Variants in CR1L observed in about 807,000 individuals in gnomAD.
CR1L encodes the protein complement component receptor 1-like protein.
A neutral mutation model predicts 62.3 loss-of-function variants in CR1L; 59 were observed. That is an observed-to-expected ratio of 0.95 (90% CI 0.77 to 1.18). The LOEUF (loss-of-function observed/expected upper bound fraction) is 1.18, where lower values mean the gene tolerates loss of function less well. CR1L is among the 50% of genes most tolerant of loss of function. The pLI is 0.00. For missense variants in CR1L, 700 were observed against 702.8 expected, an observed-to-expected ratio of 1.00 and a Z score of 0.04; for synonymous variants, 279 against 248.7, an observed-to-expected ratio of 1.12 and a Z score of -1.15.
At chr1:207,719,653 A>G (rs1654087753) in intron 11 of CR1L, among the ~76,000 whole-genome samples, 1 of 152,160 alleles carries the variant, frequency 6.6e-6, no homozygotes, top group African/African-American at 2.4e-5. Context: ...TGGGAGGTCG[A>G]GGCTGCAGTG....
intron 1 of CR1L, among the ~76,000 whole-genome samples, chr1:207,676,470 C>T (rs113826410): frequency 0.061 from 9,255 of 152,130 alleles, 617 homozygotes; most frequent in East Asian, 0.36. Context: ...ACTGTGCATA[C>T]GAGGGATCTA....
intron 4 of CR1L, among the ~76,000 whole-genome samples, chr1:207,686,921 A>G (rs1307281692): frequency 6.6e-6 from 1 of 152,210 alleles, no homozygotes; most frequent in Non-Finnish European, 1.5e-5. Flanking sequence ...ATGGGAAGAA[A>G]TGCTGAATCT....
chr1:207,699,711 A>T (rs1664162367), intron 8 of CR1L, among the ~76,000 whole-genome samples: 1 of 152,058 alleles, frequency 6.6e-6, no homozygotes, highest in South Asian at 2.1e-4. Flanking sequence ...ATTTGATAAT[A>T]CTCAAGTATC....
At chr1:207,708,771 A>G (rs774677222) in intron 10 of CR1L, 5 of 454,522 alleles carry the variant, frequency 1.1e-5, no homozygotes, top group East Asian at 6.9e-5. Flanking sequence ...CAAGCTAATA[A>G]GGAATATAAA....
intron 9 of CR1L, among the ~76,000 whole-genome samples, chr1:207,702,938 C>A (rs1664214631): frequency 6.6e-6 from 1 of 152,100 alleles, no homozygotes. Context: ...CAAAAATTAA[C>A]CAGGCGTTGT....
intron 1 of CR1L, among the ~76,000 whole-genome samples, chr1:207,677,183 G>A (rs1375307925): frequency 6.6e-6 from 1 of 151,770 alleles, no homozygotes; most frequent in Non-Finnish European, 1.5e-5. Flanking sequence ...TTAGCCGGAT[G>A]TGATGGCAGG....
chr1:207,705,985 T>A (rs1286187585), intron 9 of CR1L, among the ~76,000 whole-genome samples: 1 of 141,342 alleles, frequency 7.1e-6, no homozygotes, highest in Non-Finnish European at 1.5e-5. Flanking sequence ...TCATTTCATA[T>A]ATGTGTCATA....
intron 3 of CR1L, among the ~76,000 whole-genome samples, chr1:207,682,760 G>C (rs1424586140): frequency 6.6e-6 from 1 of 152,132 alleles, no homozygotes; most frequent in Non-Finnish European, 1.5e-5. Context: ...ACTATGACTA[G>C]TTTGGCCCAA....
In CR1L at chr1:207,699,373, C is replaced by T. The variant is rs1664157543; in HGVS notation, c.1228+99C>T. On this transcript the variant is annotated intron_variant, in intron 8 of 11. Coordinates refer to ENST00000508064, the MANE Select transcript of CR1L (RefSeq NM_175710.2). ...TAATGTGGTTCTTCAATTTTCTAATCTGAATTATTGATTTGAAAATTTCTT... is the reference window on the plus strand; with the variant it reads ...TAATGTGGTTCTTCAATTTTCTAATTTGAATTATTGATTTGAAAATTTCTT... 5 of 1,419,142 alleles carry T rather than the reference C, an allele frequency of 3.5e-6. No individual in the cohort carries two copies. In the South Asian group the frequency reaches 6.2e-5, roughly 18 times the overall value. 87.9% of individuals were successfully genotyped at this position (1,419,142 alleles called of 1,614,324 possible).
intron 1 of CR1L, among the ~76,000 whole-genome samples, chr1:207,650,768 G>A (rs545359033): frequency 6.6e-6 from 1 of 150,386 alleles, no homozygotes; most frequent in Non-Finnish European, 1.5e-5. Context: ...AAGTTGAACA[G>A]TTCAGTGGAT....
At chr1:207,707,276 T>C (rs1664281756) in intron 9 of CR1L, among the ~76,000 whole-genome samples, 1 of 152,200 alleles carries the variant, frequency 6.6e-6, no homozygotes, top group South Asian at 2.1e-4. Context: ...ATTTTATTCA[T>C]TGCTTTCTCC....
intron 1 of CR1L, among the ~76,000 whole-genome samples, chr1:207,654,147 A>C (rs1663270215): frequency 6.6e-6 from 1 of 152,226 alleles, no homozygotes; most frequent in Admixed American, 6.5e-5. Context: ...CACTGCTGTT[A>C]CACTGGCAAT....
chr1:207,655,429 T>A (rs893001162), intron 1 of CR1L, among the ~76,000 whole-genome samples: 1 of 152,176 alleles, frequency 6.6e-6, no homozygotes. Context: ...CATATTGGAA[T>A]TCAAACTGAG....
At position 207,708,254 on chromosome 1, in the gene CR1L, A is replaced by G. The variant is rs1664300532; in HGVS notation, c.1405A>G (p.Ile469Val). ...TGCCCATTGGAGCATGAAGCCACCAATTTGTCAACGTGAGTTGAAATCTCT... is the reference window on the plus strand; with the variant it reads ...TGCCCATTGGAGCATGAAGCCACCAGTTTGTCAACGTGAGTTGAAATCTCT... ...NTAHWSMKPP[I>V]CQQIFCPNPP... The change falls in exon 10 of 12, where the codon ATT becomes GTT. Residue 469 changes from isoleucine to valine, a missense_variant. Coordinates refer to ENST00000508064, the MANE Select transcript of CR1L (RefSeq NM_175710.2). 3 of 1,611,328 alleles carry G rather than the reference A, an allele frequency of 1.9e-6. No homozygotes were observed. Among genetic ancestry groups the G allele is most frequent in the Non-Finnish European group, 2.5e-6 (3 of 1,179,350 alleles).
intron 1 of CR1L, among the ~76,000 whole-genome samples, chr1:207,665,161 C>T (rs1663497543): frequency 6.6e-6 from 1 of 152,010 alleles, no homozygotes; most frequent in Admixed American, 6.6e-5. Context: ...TCCCGCCATT[C>T]TCCTGCCTCA....
chr1:207,647,494 G>C (rs1392657796), intron 1 of CR1L, among the ~76,000 whole-genome samples: 2 of 152,088 alleles, frequency 1.3e-5, no homozygotes, highest in African/African-American at 2.4e-5. Flanking sequence ...TCTGTTCTCT[G>C]TCTCTCCCCA....
intron 3 of CR1L, 91 bp from the exon 4 acceptor site, chr1:207,683,781 T>C (rs1399749605): frequency 8.3e-7 from 1 of 1,212,028 alleles, no homozygotes; most frequent in African/African-American, 1.5e-5. Flanking sequence ...CCCTCTGAAT[T>C]CTATAAGAGT....
At position 207,723,676 on chromosome 1, in the gene CR1L, T is replaced by G. The variant is rs758634259; in HGVS notation, c.1701T>G (p.Cys567Trp). 1.9e-6 allele frequency: 3 copies of G among 1,585,418 alleles called. No individual in the cohort carries two copies. In the African/African-American group the frequency reaches 4.0e-5, roughly 21 times the overall value. Residue 567 changes from cysteine (C) to tryptophan (W), a missense_variant, in exon 12 of 12, where the codon TGT (cysteine) becomes TGG (tryptophan). Transcript: ENST00000508064. ...ATGAAGTGTTTGCTGAGGAATTCTG[T>G]CATCTTTAACAGTAAGTACCTACTT... ...KFYEVFAEEF[C>W]HL
intron 10 of CR1L, chr1:207,715,487 A>G (rs1371185399): frequency 2.7e-6 from 2 of 749,054 alleles, no homozygotes; most frequent in Non-Finnish European, 4.3e-6. Context: ...CTGGATCTTT[A>G]CTTAACTAAA....
Sources: allele counts gnomAD v4.1 joint callset (sites outside exome capture counted in the v4.1 genomes callset), GRCh38; gene constraint gnomAD v4.1.1; transcripts MANE v1.5; gene names NCBI Gene and HGNC (gene_info 2026-07-23, HGNC 2026-07-21).